Variants in GRM5 observed in about 807,000 individuals in gnomAD.
The protein encoded by GRM5 is glutamate metabotropic receptor 5.
A neutral mutation model predicts 83.1 loss-of-function variants in GRM5; 19 were observed. That is an observed-to-expected ratio of 0.23 (90% confidence interval 0.16 to 0.34). The LOEUF is 0.34. Among genes scored for constraint, GRM5 ranks in the 10% least tolerant of loss-of-function variants. The probability of loss-of-function intolerance (pLI) is 1.00; values close to 1 mark genes in which losing one functional copy is unlikely to be tolerated. For missense variants in GRM5, 1,160 were observed against 1,588.3 expected (o/e 0.73, Z 4.58); for synonymous variants, 675 against 633.6 (o/e 1.07, Z -0.98).
intron 2 of GRM5, among the ~76,000 whole-genome samples, chr11:89,013,240 C>T (rs1400338628): frequency 1.3e-5 from 2 of 152,110 alleles, no homozygotes; most frequent in Non-Finnish European, 2.9e-5. Flanking sequence ...CTGCATTTGT[C>T]AATTACTATT....
intron 7 of GRM5, among the ~76,000 whole-genome samples, chr11:88,585,395 T>C (rs1391055331): frequency 6.6e-6 from 1 of 152,242 alleles, no homozygotes; most frequent in Non-Finnish European, 1.5e-5. Context: ...AAGTGCTAGA[T>C]ACACATTTAT....
intron 3 of GRM5, among the ~76,000 whole-genome samples, chr11:88,680,272 C>T (rs1202099061): frequency 6.6e-6 from 1 of 151,824 alleles, no homozygotes; most frequent in Non-Finnish European, 1.5e-5. Context: ...GTGTGATGTT[C>T]CCCTTCCTGT....
chr11:88,659,448 T>C (rs964887968), intron 3 of GRM5, among the ~76,000 whole-genome samples: 6 of 152,216 alleles, frequency 3.9e-5, no homozygotes, highest in African/African-American at 1.4e-4. Context: ...TACTCTGTTG[T>C]ATTATTGTAT....
In GRM5 at chr11:88,866,244, T is replaced by C. The variant is rs959249018; in HGVS notation, c.662-16089A>G. Among the ~76,000 whole-genome samples, 13 of 152,220 alleles carry C rather than the reference T, an allele frequency of 8.5e-5. 1 individual carries two copies. Among genetic ancestry groups the C allele is most frequent in the Admixed American group, 6.6e-4 (10 of 15,258 alleles). On this transcript the variant is annotated intron_variant, in intron 2 of 9. Coordinates refer to ENST00000305447, the MANE Select transcript of GRM5 (RefSeq NM_001143831.3). ...AGCCATAAAAAAGGATGAGTTCATGTCCTTTGCAGGCACATGGATGAAGCT... is the reference window on the plus strand; with the variant it reads ...AGCCATAAAAAAGGATGAGTTCATGCCCTTTGCAGGCACATGGATGAAGCT...
At chr11:88,850,486 G>A (rs1301998109) in intron 2 of GRM5, among the ~76,000 whole-genome samples, 1 of 151,510 alleles carries the variant, frequency 6.6e-6, no homozygotes, top group African/African-American at 2.4e-5. Context: ...CTATTTTTTT[G>A]CATTCTATCT....
intron 3 of GRM5, among the ~76,000 whole-genome samples, chr11:88,803,513 T>C (rs532557683): frequency 3.9e-5 from 6 of 152,226 alleles, no homozygotes; most frequent in East Asian, 1.9e-4. Flanking sequence ...ATCCCTTCCT[T>C]ACACCTTATA....
intron 2 of GRM5, among the ~76,000 whole-genome samples, chr11:89,046,111 T>C (rs559216562): frequency 6.6e-6 from 1 of 152,324 alleles, no homozygotes; most frequent in Non-Finnish European, 1.5e-5. Context: ...AAGTCTGTGA[T>C]ATAGAAAACA....
chr11:88,937,848 G>A (rs188357759), intron 2 of GRM5, among the ~76,000 whole-genome samples: 1 of 151,810 alleles, frequency 6.6e-6, no homozygotes, highest in East Asian at 1.9e-4. Flanking sequence ...GCAAACAGGA[G>A]AAGTAATGCA....
intron 3 of GRM5, among the ~76,000 whole-genome samples, chr11:88,691,087 C>T (rs1469691516): frequency 2.6e-5 from 4 of 152,208 alleles, no homozygotes; most frequent in Middle Eastern, 3.4e-3. Flanking sequence ...TGGAAACTAA[C>T]GTTAAGCCCT....
chr11:88,846,135 A>T (rs545653030), intron 3 of GRM5, among the ~76,000 whole-genome samples: 93 of 152,356 alleles, frequency 6.1e-4, no homozygotes, highest in African/African-American at 2.2e-3. Flanking sequence ...ATATTCTCAA[A>T]TTATTCAAAT....
intron 8 of GRM5, among the ~76,000 whole-genome samples, chr11:88,566,611 C>A (rs1942880896): frequency 2.6e-5 from 4 of 152,202 alleles, no homozygotes; most frequent in Admixed American, 2.6e-4. Context: ...AAGGTTTAGG[C>A]ACGTACAAGT....
At chr11:88,957,652 A>C (rs1178702325) in intron 2 of GRM5, among the ~76,000 whole-genome samples, 1 of 152,212 alleles carries the variant, frequency 6.6e-6, no homozygotes, top group East Asian at 1.9e-4. Context: ...AATATATTTC[A>C]TTTATTGCTG....
chr11:88,549,253 C>T (rs1591340008), intron 8 of GRM5, among the ~76,000 whole-genome samples: 1 of 151,920 alleles, frequency 6.6e-6, no homozygotes, highest in Non-Finnish European at 1.5e-5. Flanking sequence ...TTCTTGAGCT[C>T]AGGGGTTCAA....
At chr11:88,689,179 T>G (rs1240361816) in intron 3 of GRM5, among the ~76,000 whole-genome samples, 1 of 152,190 alleles carries the variant, frequency 6.6e-6, no homozygotes, top group Admixed American at 6.5e-5. Context: ...ACATGCCTCC[T>G]TATTTCATTC....
intron 2 of GRM5, among the ~76,000 whole-genome samples, chr11:88,935,727 A>G (rs574349103): frequency 6.6e-6 from 1 of 152,068 alleles, no homozygotes; most frequent in East Asian, 1.9e-4. Context: ...CTTCAAAGGA[A>G]TACATATTTT....
chr11:88,534,688 A>C (rs1021289960), intron 8 of GRM5, among the ~76,000 whole-genome samples: 1 of 152,180 alleles, frequency 6.6e-6, no homozygotes, highest in Non-Finnish European at 1.5e-5. Context: ...GACTGTCAGG[A>C]AGGCATGATT....
chr11:88,735,191 C>T (rs541355859), intron 3 of GRM5, among the ~76,000 whole-genome samples: 5 of 151,942 alleles, frequency 3.3e-5, no homozygotes, highest in Non-Finnish European at 7.4e-5. Flanking sequence ...TCACCACATT[C>T]TCACTCCTGT....
At chr11:89,026,324 G>C (rs1941129536) in intron 2 of GRM5, among the ~76,000 whole-genome samples, 1 of 152,110 alleles carries the variant, frequency 6.6e-6, no homozygotes, top group African/African-American at 2.4e-5. Context: ...TAAAACTTAA[G>C]GGGAAAAAAT....
At chr11:88,649,185 T>C (rs985080609) in intron 4 of GRM5, among the ~76,000 whole-genome samples, 30 of 139,146 alleles carry the variant, frequency 2.2e-4, no homozygotes, top group African/African-American at 8.1e-4. Context: ...ATATATTATA[T>C]ATGTTATATA....
Sources: gnomAD v4.1 joint callset for allele counts (sites outside exome capture counted in the v4.1 genomes callset) on GRCh38, gnomAD v4.1.1 for gene constraint, MANE v1.5 for transcripts, NCBI Gene and HGNC (gene_info 2026-07-23, HGNC 2026-07-21) for gene names.